The following STPG2 variants were observed in gnomAD, a reference collection of about 807,000 sequenced individuals.
The protein encoded by STPG2 is sperm-tail PG-rich repeat-containing protein 2.
A neutral mutation model predicts 54.2 loss-of-function variants in STPG2; 56 were observed. The ratio of observed to expected loss-of-function variants is 1.03; its 90% CI spans 0.83 to 1.29. STPG2 has a LOEUF of 1.29. Among genes scored for constraint, STPG2 ranks in the 50% most tolerant of loss-of-function variants. The probability of loss-of-function intolerance (pLI) is 0.00; values close to 1 mark genes in which losing one functional copy is unlikely to be tolerated. For missense variants in STPG2, 596 were observed against 544.9 expected (o/e 1.09, Z -0.93); for synonymous variants, 200 against 181.8 (o/e 1.10, Z -0.81).
chr4:97,442,554 T>G (rs912143651), intron 4 of STPG2, among the ~76,000 whole-genome samples: 4 of 151,984 alleles, frequency 2.6e-5, no homozygotes, highest in African/African-American at 7.2e-5. Flanking sequence ...AATACGAGAG[T>G]GTAGAAACAG....
chr4:98,027,385 G>C (rs911526265), intron 5 of STPG2, among the ~76,000 whole-genome samples: 2 of 152,106 alleles, frequency 1.3e-5, no homozygotes, highest in African/African-American at 4.8e-5. Flanking sequence ...ATTCCCAAGA[G>C]TCTTAACTCA....
chr4:97,620,093 G>A (rs1733973915), intron 10 of STPG2, among the ~76,000 whole-genome samples: 1 of 151,982 alleles, frequency 6.6e-6, no homozygotes, highest in African/African-American at 2.4e-5. Context: ...CAAAGTGCTG[G>A]GATTACAGGC....
chr4:98,099,845 G>A (rs1052825112), intron 5 of STPG2, among the ~76,000 whole-genome samples: 2 of 151,942 alleles, frequency 1.3e-5, no homozygotes, highest in South Asian at 4.2e-4. Context: ...ACAACAGGGG[G>A]ACTATAGTCA....
chr4:97,863,673 G>A (rs1405106766), intron 8 of STPG2, among the ~76,000 whole-genome samples: 1 of 152,132 alleles, frequency 6.6e-6, no homozygotes, highest in African/African-American at 2.4e-5. Context: ...CAATATCCCT[G>A]ATAAACATTG....
chr4:97,975,122 G>A (rs111227921), intron 6 of STPG2, among the ~76,000 whole-genome samples: 5 of 152,222 alleles, frequency 3.3e-5, no homozygotes, highest in South Asian at 4.1e-4. Context: ...AGTTCCTAGG[G>A]CCAGAAGTGG....
At chr4:97,457,365 G>A (rs1729555081) in intron 4 of STPG2, among the ~76,000 whole-genome samples, 2 of 152,192 alleles carry the variant, frequency 1.3e-5, no homozygotes, top group African/African-American at 4.8e-5. Flanking sequence ...TTAGGCTGAC[G>A]CAACTCCAGT....
At chr4:97,899,418 A>G (rs1271374027) in intron 8 of STPG2, among the ~76,000 whole-genome samples, 1 of 152,028 alleles carries the variant, frequency 6.6e-6, no homozygotes, top group African/African-American at 2.4e-5. Flanking sequence ...TACAGATTTA[A>G]TGCTTTTCCT....
intron 5 of STPG2, among the ~76,000 whole-genome samples, chr4:98,059,250 AC>A (rs1737571476): frequency 6.6e-6 from 1 of 152,106 alleles, no homozygotes; most frequent in Admixed American, 6.6e-5. Flanking sequence ...CCTAGAAGAG[AC>A]GGATAAATTT....
At chr4:97,484,910 CAA>C (rs1730315736) in intron 4 of STPG2, among the ~76,000 whole-genome samples, 1 of 151,862 alleles carries the variant, frequency 6.6e-6, no homozygotes, top group South Asian at 2.1e-4. Context: ...TTGATATACA[CAA>C]GTCAATAAAT....
chr4:98,131,201 A>T (rs1208500342), intron 2 of STPG2, among the ~76,000 whole-genome samples: 1 of 152,008 alleles, frequency 6.6e-6, no homozygotes, highest in African/African-American at 2.4e-5. Context: ...ATCAGGTCCA[A>T]TTTGTTTCCC....
chr4:97,567,558 T>C (rs1426740119), intron 10 of STPG2, among the ~76,000 whole-genome samples: 1 of 151,700 alleles, frequency 6.6e-6, no homozygotes, highest in Non-Finnish European at 1.5e-5. Context: ...AGGCTATTAA[T>C]TTCAGCAATA....
chr4:97,540,017 G>A lies in STPG2; in HGVS notation c.462+172682C>T, dbSNP rs548665148. Among the ~76,000 whole-genome samples, 9 of 152,304 alleles carry A rather than the reference G, an allele frequency of 5.9e-5. No homozygotes were observed. The South Asian group carries it at 1.9e-3, about 32-fold the overall frequency. On this transcript the variant is annotated intron_variant, in intron 4 of 4. Coordinates refer to the STPG2 transcript ENST00000522676. Reference sequence around the variant, plus strand: ...TTTATGGCACTAAATGCCCACAAGAGAAAGTGGCAAAGAACTAAAATTGAC... The same window carrying A: ...TTTATGGCACTAAATGCCCACAAGAAAAAGTGGCAAAGAACTAAAATTGAC...
intron 10 of STPG2, chr4:97,633,849 G>C (rs539716133): frequency 6.4e-6 from 1 of 156,728 alleles, no homozygotes; most frequent in Middle Eastern, 3.0e-3. Flanking sequence ...CCTACCCCAC[G>C]GAGTCTCGCT....
intron 4 of STPG2, among the ~76,000 whole-genome samples, chr4:97,453,896 C>T (rs1729443314): frequency 6.6e-6 from 1 of 151,930 alleles, no homozygotes; most frequent in Non-Finnish European, 1.5e-5. Flanking sequence ...AATTTGGGCA[C>T]TAGAGAAGTA....
At chr4:98,026,321 G>GA (rs1293896682) in intron 5 of STPG2, 2,296 of 548,250 alleles carry the variant, frequency 4.2e-3, no homozygotes, top group South Asian at 5.3e-3. Context: ...AGTATGGACA[G>GA]AAAAAAAAAT....
intron 4 of STPG2, among the ~76,000 whole-genome samples, chr4:97,486,390 T>C (rs1049780801): frequency 1.3e-5 from 2 of 151,628 alleles, no homozygotes; most frequent in Middle Eastern, 3.2e-3. Flanking sequence ...AAACAAGATA[T>C]ACAAATGACC....
intron 9 of STPG2, among the ~76,000 whole-genome samples, chr4:97,777,326 A>G (rs74906196): frequency 0.13 from 19,475 of 147,288 alleles, 1,916 homozygotes; most frequent in African/African-American, 0.27. Flanking sequence ...ATACCATAAA[A>G]TCATCTCTTT....
intron 9 of STPG2, among the ~76,000 whole-genome samples, chr4:97,808,994 G>A (rs923031516): frequency 2.6e-5 from 4 of 151,970 alleles, no homozygotes; most frequent in Non-Finnish European, 5.9e-5. Flanking sequence ...GGCAAAAAAA[G>A]CAGTTTTCAA....
intron 10 of STPG2, among the ~76,000 whole-genome samples, chr4:97,673,416 G>A (rs967036977): frequency 6.6e-6 from 1 of 152,018 alleles, no homozygotes; most frequent in Admixed American, 6.6e-5. Flanking sequence ...TGGATTTAAG[G>A]AAAAATTCAA....
Sources: allele counts gnomAD v4.1 joint callset (sites outside exome capture counted in the v4.1 genomes callset), GRCh38; gene constraint gnomAD v4.1.1; transcripts MANE v1.5; gene names NCBI Gene and HGNC (gene_info 2026-07-23, HGNC 2026-07-21).